SNX29: variants seen among roughly 807,000 people sequenced by gnomAD.
The protein encoded by SNX29 is sorting nexin 29.
A neutral mutation model predicts 102.1 loss-of-function variants in SNX29; 78 were observed. The ratio of observed to expected loss-of-function variants is 0.76; its 90% CI spans 0.64 to 0.92. The LOEUF is 0.92. SNX29 is among the 40% of genes least tolerant of loss of function. SNX29 has a pLI of 0.00. For missense variants in SNX29, 1,280 were observed against 1,061.7 expected (o/e 1.21, Z -2.86); for synonymous variants, 580 against 414.5 (o/e 1.40, Z -4.85).
Position 12,021,049 on chromosome 16 carries a change from T to C in SNX29, c.123-6271T>C, listed in dbSNP as rs572076752. On this transcript the variant is annotated intron_variant, in intron 3 of 20. Coordinates refer to ENST00000566228, the MANE Select transcript of SNX29 (RefSeq NM_032167.5). The stretch of plus-strand genomic sequence containing the variant: ...CAGCAGACTCCATTCCAGCTAACAT[T>C]GGAATTTTACAAATGACGATAATCC... Among the ~76,000 whole-genome samples the C allele has an allele frequency of 1.4e-4, 21 of 152,332 alleles. No homozygotes were observed. The South Asian group carries it at 4.1e-3, about 30-fold the overall frequency.
chr16:12,125,662 C>A (rs149534125), intron 11 of SNX29, among the ~76,000 whole-genome samples: 2 of 116,818 alleles, frequency 1.7e-5, no homozygotes, highest in Non-Finnish European at 3.3e-5. Flanking sequence ...CTCACTATGT[C>A]GACCAGGCTG....
chr16:12,368,746 T>A (rs562708177), intron 16 of SNX29, among the ~76,000 whole-genome samples: 1 of 152,348 alleles, frequency 6.6e-6, no homozygotes, highest in African/African-American at 2.4e-5. Flanking sequence ...CTCCAGCATA[T>A]GTTTGTGAAT....
intron 11 of SNX29, among the ~76,000 whole-genome samples, chr16:12,102,277 T>C (rs193055535): frequency 6.6e-6 from 1 of 152,340 alleles, no homozygotes; most frequent in Non-Finnish European, 1.5e-5. Flanking sequence ...TTTGGGTATA[T>C]ACCCAGTAAT....
chr16:12,327,484 C>G (rs1422683912), intron 15 of SNX29, among the ~76,000 whole-genome samples: 2 of 152,106 alleles, frequency 1.3e-5, no homozygotes, highest in Non-Finnish European at 2.9e-5. Flanking sequence ...CGTCTTCCCA[C>G]TGTGGTCTTT....
intron 15 of SNX29, 33 bp downstream of exon 15, chr16:12,278,069 C>CT: frequency 6.5e-7 from 1 of 1,548,708 alleles, no homozygotes; most frequent in Non-Finnish European, 8.8e-7. Flanking sequence ...GTCTTTGTTT[C>CT]TGATGTTGGC....
Position 12,537,601 on chromosome 16 carries a change from C to T in SNX29, c.2318+12760C>T, listed in dbSNP as rs1010328228. On this transcript the variant is annotated intron_variant, in intron 20 of 20. Transcript: ENST00000566228. ...GTTTTTACTTCTTTGTTCAAACTCTCACTTCAGTCCCAAAATGATTGAGTT... is the reference window on the plus strand; with the variant it reads ...GTTTTTACTTCTTTGTTCAAACTCTTACTTCAGTCCCAAAATGATTGAGTT... Among the ~76,000 whole-genome samples the T allele has an allele frequency of 4.6e-5, 7 of 152,234 alleles. No individual in the cohort carries two copies. The East Asian group carries it at 1.2e-3, about 25-fold the overall frequency.
At chr16:12,357,832 T>A (rs370568950) in intron 16 of SNX29, among the ~76,000 whole-genome samples, 2 of 152,254 alleles carry the variant, frequency 1.3e-5, no homozygotes, top group African/African-American at 4.8e-5. Context: ...ATTTGTTTAC[T>A]GAAGACACTG....
At chr16:12,125,189 G>A (rs1011367244) in intron 11 of SNX29, among the ~76,000 whole-genome samples, 4 of 152,146 alleles carry the variant, frequency 2.6e-5, no homozygotes, top group African/African-American at 4.8e-5. Flanking sequence ...ATGAGGCAGC[G>A]AAAGTGAATG....
intron 14 of SNX29, among the ~76,000 whole-genome samples, chr16:12,274,434 T>C (rs1451573510): frequency 6.6e-6 from 1 of 152,236 alleles, no homozygotes; most frequent in Non-Finnish European, 1.5e-5. Flanking sequence ...CCCTCGTGTC[T>C]GTTGGCTCTG....
chr16:12,369,164 T>A lies in SNX29; in HGVS notation c.1899+12885T>A, dbSNP rs141331717. On this transcript the variant is annotated intron_variant, in intron 16 of 20. Transcript: ENST00000566228. ...TCTTTTTTTTTTTTTGAGACGGAGTTTTGCTCTGTCACTCAGACTGGAGTG... is the reference window on the plus strand; with the variant it reads ...TCTTTTTTTTTTTTTGAGACGGAGTATTGCTCTGTCACTCAGACTGGAGTG... Among the ~76,000 whole-genome samples, 414 of 151,886 alleles carry A rather than the reference T, an allele frequency of 2.7e-3. 2 individuals are homozygous for A. Among genetic ancestry groups the A allele is most frequent in the African/African-American group, 9.4e-3 (388 of 41,436 alleles).
chr16:12,079,568 C>G (rs943454011), intron 11 of SNX29, among the ~76,000 whole-genome samples: 2 of 152,086 alleles, frequency 1.3e-5, no homozygotes, highest in Non-Finnish European at 2.9e-5. Context: ...TTGGGAGGCA[C>G]CTAGCATTTT....
intron 5 of SNX29, among the ~76,000 whole-genome samples, chr16:12,044,030 A>C (rs1157850719): frequency 2.6e-5 from 4 of 152,254 alleles, no homozygotes; most frequent in African/African-American, 9.6e-5. Flanking sequence ...CTGGGGTTAC[A>C]GGCGTGAGCC....
chr16:12,539,958 T>C lies in SNX29; in HGVS notation c.2318+15117T>C, dbSNP rs112843312. 1.0e-3 allele frequency among the ~76,000 whole-genome samples: 153 copies of C among 152,362 alleles called. 1 individual carries two copies. In the Middle Eastern group the frequency reaches 0.01, roughly 10 times the overall value. The stretch of plus-strand genomic sequence containing the variant: ...TTAGATGCAAGACCTTTGTCGAACA[T>C]GTGAGTTGCACATATTTTCTTCTAG... On this transcript the variant is annotated intron_variant, in intron 20 of 20. Coordinates refer to ENST00000566228, the MANE Select transcript of SNX29 (RefSeq NM_032167.5).
intron 14 of SNX29, among the ~76,000 whole-genome samples, chr16:12,225,288 C>T (rs561059875): frequency 1.1e-4 from 16 of 152,188 alleles, no homozygotes; most frequent in South Asian, 6.2e-4. Context: ...CATCTGGTAA[C>T]GGCTTGGCTG....
intron 15 of SNX29, among the ~76,000 whole-genome samples, chr16:12,301,022 C>T (rs535340887): frequency 1.3e-5 from 2 of 152,324 alleles, no homozygotes; most frequent in Admixed American, 6.5e-5. Context: ...CTGACTTGTG[C>T]GTCTGCGGTT....
chr16:12,357,312 A>G (rs1260146401), intron 16 of SNX29, among the ~76,000 whole-genome samples: 2 of 152,184 alleles, frequency 1.3e-5, no homozygotes, highest in Admixed American at 6.5e-5. Flanking sequence ...TTTCATGTAT[A>G]GACATCTTTG....
intron 14 of SNX29, among the ~76,000 whole-genome samples, chr16:12,221,302 G>A (rs994645017): frequency 1.3e-5 from 2 of 152,078 alleles, no homozygotes; most frequent in Non-Finnish European, 1.5e-5. Context: ...TCAGGCCCTC[G>A]TCTTGTTCCT....
intron 11 of SNX29, among the ~76,000 whole-genome samples, chr16:12,103,504 A>G (rs2053104743): frequency 6.6e-6 from 1 of 152,250 alleles, no homozygotes; most frequent in African/African-American, 2.4e-5. Flanking sequence ...GAAAACTGAA[A>G]CTGGACCCCT....
At chr16:12,130,272 C>T (rs531986548) in intron 13 of SNX29, among the ~76,000 whole-genome samples, 19 of 150,408 alleles carry the variant, frequency 1.3e-4, no homozygotes, top group African/African-American at 3.4e-4. Flanking sequence ...GTCAGGAGAT[C>T]GAGACCATCC....
Sources: allele counts gnomAD v4.1 joint callset (sites outside exome capture counted in the v4.1 genomes callset), GRCh38; gene constraint gnomAD v4.1.1; transcripts MANE v1.5; gene names NCBI Gene and HGNC (gene_info 2026-07-23, HGNC 2026-07-21).